Variants in PACSIN2 observed in about 807,000 individuals in gnomAD.
PACSIN2 encodes protein kinase C and casein kinase substrate in neurons protein 2.
PACSIN2 carries 25 observed loss-of-function variants against 63.8 expected under a neutral mutation model. The ratio of observed to expected loss-of-function variants is 0.39; its 90% CI spans 0.29 to 0.55. The LOEUF is 0.55. Ranked by LOEUF, PACSIN2 falls within the 20% of genes least tolerant of loss-of-function variation. PACSIN2 has a pLI of 0.62. For synonymous variants in PACSIN2, 255 were observed against 256.2 expected, an observed-to-expected ratio of 1.00 and a Z score of 0.05; for missense variants, 518 against 646.9, an observed-to-expected ratio of 0.80 and a Z score of 2.16.
In PACSIN2 at chr22:42,871,738, T is replaced by C. The variant is rs1458492457; in HGVS notation, c.1349-269A>G. 6.6e-6 allele frequency among the ~76,000 whole-genome samples: 1 copy of C among 151,836 alleles called. No homozygotes were observed. Among genetic ancestry groups the C allele is most frequent in the African/African-American group, 2.4e-5 (1 of 41,292 alleles). Reference sequence around the variant, plus strand: ...CTGCCACAGTGGCTCCCACTGAGACTGCGGCATCCAGCTCCATAGGGCTGT... The same window carrying C: ...CTGCCACAGTGGCTCCCACTGAGACCGCGGCATCCAGCTCCATAGGGCTGT... On this transcript the variant is annotated intron_variant, in intron 10 of 10. Transcript: ENST00000263246. This position sits in a 1 kb window ranked among gnomAD's most constrained non-coding sequence, Gnocchi z 5.4.
At chr22:42,897,030 AG>A (rs1930339776) in intron 2 of PACSIN2, among the ~76,000 whole-genome samples, 1 of 152,026 alleles carries the variant, frequency 6.6e-6, no homozygotes, top group South Asian at 2.1e-4. Flanking sequence ...TTAACCTCCC[AG>A]GCTCAAGTGA....
intron 1 of PACSIN2, among the ~76,000 whole-genome samples, chr22:43,010,258 G>T (rs1383096013): frequency 6.6e-6 from 1 of 151,330 alleles, no homozygotes; most frequent in East Asian, 1.9e-4. Context: ...TTGAAAATAG[G>T]CCAGGTGTGG....
At chr22:42,888,560 A>G (rs1929658217) in intron 5 of PACSIN2, 83 bp downstream of exon 5, 1 of 1,359,932 alleles carries the variant, frequency 7.4e-7, no homozygotes, top group Admixed American at 1.7e-5. Flanking sequence ...CATTCACCCA[A>G]GCAGTTACAG....
intron 2 of PACSIN2, among the ~76,000 whole-genome samples, chr22:42,911,515 C>A (rs1053165794): frequency 2.0e-5 from 3 of 152,110 alleles, no homozygotes; most frequent in African/African-American, 7.2e-5. Flanking sequence ...CAAAAATAAT[C>A]CAATCAGGAA....
intron 1 of PACSIN2, among the ~76,000 whole-genome samples, chr22:42,955,028 T>C (rs957229694): frequency 2.0e-5 from 3 of 152,180 alleles, no homozygotes; most frequent in African/African-American, 7.2e-5. Flanking sequence ...CTTGGGTACC[T>C]GACAAACCAC....
intron 1 of PACSIN2, among the ~76,000 whole-genome samples, chr22:42,996,276 G>A (rs1284412436): frequency 6.6e-6 from 1 of 151,860 alleles, no homozygotes. Context: ...GCTCACGCCT[G>A]TAATCCTAGC....
In PACSIN2 at chr22:42,967,813, G is replaced by A. The variant is rs2413738; in HGVS notation, c.-78+47208C>T. ...TGAGGCAGGAGAATGGCATGAACCCGGGAGGCAGAGTTTGCAGTGAGCCGA... is the reference window on the plus strand; with the variant it reads ...TGAGGCAGGAGAATGGCATGAACCCAGGAGGCAGAGTTTGCAGTGAGCCGA... On this transcript the variant is annotated intron_variant, in intron 1 of 10. Transcript: ENST00000263246. Among the ~76,000 whole-genome samples, 457 of 152,258 alleles carry A rather than the reference G, an allele frequency of 3.0e-3. 2 individuals are homozygous for A. The highest frequency in any genetic ancestry group is 0.01 in the African/African-American group (434 of 41,530).
At chr22:42,990,032 ATATG>A (rs1300182781) in intron 1 of PACSIN2, among the ~76,000 whole-genome samples, 1 of 24,412 alleles carries the variant, frequency 4.1e-5, no homozygotes, top group Non-Finnish European at 6.7e-5. Context: ...ATATGTATAT[ATATG>A]TATATATATA....
chr22:42,987,521 A>C (rs1601606685), intron 1 of PACSIN2, among the ~76,000 whole-genome samples: 1 of 67,744 alleles, frequency 1.5e-5, no homozygotes, highest in African/African-American at 8.0e-5. Context: ...GAAGACGGGC[A>C]CATTCATTCT....
In PACSIN2 at chr22:42,876,907, CCTT is replaced by C. The variant is rs1928680014; in HGVS notation, c.1129_1131del (p.Lys377del). The C allele has an allele frequency of 1.2e-6, 2 of 1,614,066 alleles. No homozygotes were observed. Among genetic ancestry groups the C allele is most frequent in the African/African-American group, 2.7e-5 (2 of 74,922 alleles). ...ACCAACTTTTTGGCCTTAGTGTCGT[CCTT>C]CTCACTGACGGTGCTGCCCGTGTCG... On this transcript the variant is annotated inframe_deletion, in exon 9 of 11. Coordinates refer to ENST00000263246, the MANE Select transcript of PACSIN2 (RefSeq NM_001184970.3).
intron 1 of PACSIN2, among the ~76,000 whole-genome samples, chr22:42,972,477 C>G (rs1450944654): frequency 3.9e-5 from 6 of 152,108 alleles, no homozygotes; most frequent in East Asian, 3.8e-4. Context: ...ATCCCCCTCT[C>G]CGAGAAACAC....
Position 42,893,512 on chromosome 22 carries a change from C to A in PACSIN2, c.162G>T (p.Ala54=). 2 of 1,614,098 alleles carry A rather than the reference C, an allele frequency of 1.2e-6. No homozygotes were observed. The highest frequency in any genetic ancestry group is 1.1e-5 in the South Asian group (1 of 91,084). Reference sequence around the variant, plus strand: ...CCCACTCAGTGAGCTGCTGCGCATACGCCTTCTCGATGCGCGCCCGCTCAT... The same window carrying A: ...CCCACTCAGTGAGCTGCTGCGCATAAGCCTTCTCGATGCGCGCCCGCTCAT... The part of the protein sequence containing the change: ...CLHERARIEK[A]YAQQLTEWAR... Residue 54 remains alanine (A), a synonymous_variant, in exon 3 of 11, where the codon GCG becomes GCT. Coordinates refer to ENST00000263246, the MANE Select transcript of PACSIN2 (RefSeq NM_001184970.3).
chr22:42,926,155 CA>C (rs1241521043), intron 1 of PACSIN2, among the ~76,000 whole-genome samples: 1 of 152,174 alleles, frequency 6.6e-6, no homozygotes, highest in Non-Finnish European at 1.5e-5. Context: ...GATAAGAGAT[CA>C]GCAAATAAAG....
At chr22:42,905,304 G>A (rs777549427) in intron 2 of PACSIN2, among the ~76,000 whole-genome samples, 33 of 152,236 alleles carry the variant, frequency 2.2e-4, no homozygotes, top group Non-Finnish European at 3.8e-4. Context: ...TCCTGTCTCC[G>A]CGTGTGCGAT....
At chr22:42,934,337 T>C (rs1932846191) in intron 1 of PACSIN2, among the ~76,000 whole-genome samples, 2 of 152,256 alleles carry the variant, frequency 1.3e-5, no homozygotes, top group Non-Finnish European at 2.9e-5. Context: ...ACGCAAGACC[T>C]TCAAGGCACT....
At chr22:42,956,087 C>T (rs971521599) in intron 1 of PACSIN2, among the ~76,000 whole-genome samples, 1 of 152,204 alleles carries the variant, frequency 6.6e-6, no homozygotes, top group Non-Finnish European at 1.5e-5. Flanking sequence ...CCTTGTTCTC[C>T]TTCAAGGACT....
intron 1 of PACSIN2, among the ~76,000 whole-genome samples, chr22:42,921,513 C>T (rs1202777377): frequency 6.6e-6 from 1 of 152,174 alleles, no homozygotes; most frequent in Non-Finnish European, 1.5e-5. Flanking sequence ...AGGGAACCAG[C>T]TCAGCTTCCT....
intron 1 of PACSIN2, among the ~76,000 whole-genome samples, chr22:43,010,667 A>G (rs9623736): frequency 0.61 from 92,105 of 151,428 alleles, 28,600 homozygotes; most frequent in East Asian, 0.8. Context: ...CCAAGATCAC[A>G]CCACAGGGCA....
rs770920235 is a variant in PACSIN2, at chr22:42,887,687, G to A, written c.609+956C>T. On this transcript the variant is annotated intron_variant, in intron 5 of 10. Coordinates refer to ENST00000263246, the MANE Select transcript of PACSIN2 (RefSeq NM_001184970.3). ...CCGAGGGCTGAGCCCCTCCCTTCCT[G>A]TGAACTTTTAAATCACAAGACGATG... Among the ~76,000 whole-genome samples the A allele has an allele frequency of 8.2e-4, 125 of 152,200 alleles. 2 individuals are homozygous for A. The highest frequency in any genetic ancestry group is 6.2e-4 in the South Asian group (3 of 4,822).
Sources: allele counts gnomAD v4.1 joint callset (sites outside exome capture counted in the v4.1 genomes callset), GRCh38; gene constraint gnomAD v4.1.1; non-coding constraint Gnocchi (gnomAD v3.1); transcripts MANE v1.5; gene names NCBI Gene and HGNC (gene_info 2026-07-23, HGNC 2026-07-21).